IDO2: variants seen among roughly 807,000 people sequenced by gnomAD.
IDO2 encodes the protein indoleamine 2,3-dioxygenase 2, also known as indoleamine 2,3-dioxygenase-like 1 protein.
Under a neutral mutation model 45.1 loss-of-function variants are expected in IDO2, and 46 were observed. That is an observed-to-expected ratio of 1.02 (90% CI 0.80 to 1.30). IDO2 has a LOEUF of 1.30. IDO2 is among the 50% of genes most tolerant of loss of function. IDO2 has a pLI of 0.00. For missense variants in IDO2, 544 were observed against 491.8 expected (o/e 1.11, Z -1.00); for synonymous variants, 218 against 184.9 (o/e 1.18, Z -1.45).
intron 8 of IDO2, among the ~76,000 whole-genome samples, chr8:39,997,504 C>A (rs1376179424): frequency 8.6e-6 from 1 of 116,112 alleles, no homozygotes; most frequent in African/African-American, 2.8e-5. Context: ...AACCCCATCT[C>A]TACAAAAAAA....
At chr8:40,011,061 C>T (rs7005612) in intron 9 of IDO2, among the ~76,000 whole-genome samples, 13,608 of 152,140 alleles carry the variant, frequency 0.089, 736 homozygotes, top group Admixed American at 0.17. Flanking sequence ...CAGGTGTGCA[C>T]CACCATACCA....
Position 40,005,307 on chromosome 8 carries a change from C to T in IDO2, c.668-20C>T, listed in dbSNP as rs764654916. The T allele has an allele frequency of 3.9e-6, 6 of 1,555,868 alleles. No homozygotes were observed. The East Asian group carries it at 1.4e-4, about 35-fold the overall frequency. ...CTTTCTTTGCCTGTAGTAAAGTTCA[C>T]ATTTTGATTGCTTCTCCAGATTATG... On this transcript the variant is annotated intron_variant, in intron 8 of 10. Transcript: ENST00000502986.
intron 3 of IDO2, among the ~76,000 whole-genome samples, chr8:39,976,070 C>T (rs921731815): frequency 1.4e-4 from 22 of 152,128 alleles, no homozygotes; most frequent in African/African-American, 5.1e-4. Flanking sequence ...ACCTCCACCT[C>T]CCAGGTTCAG....
rs544020476 is a variant in IDO2 at position 39,954,819 on chromosome 8, C to A, written c.99+5555C>A. Among the ~76,000 whole-genome samples the A allele has an allele frequency of 5.3e-5, 8 of 151,826 alleles. No homozygotes were observed. In the South Asian group the frequency reaches 1.5e-3, roughly 28 times the overall value. On this transcript the variant is annotated intron_variant, in intron 2 of 10. Transcript: ENST00000502986. ...TACAGGTGCGCACCACAAAGCCCAGCTAATTTTTTGTATTTTTAGTAGAGA... is the reference window on the plus strand; with the variant it reads ...TACAGGTGCGCACCACAAAGCCCAGATAATTTTTTGTATTTTTAGTAGAGA...
chr8:39,965,525 T>TA (rs75672705), intron 3 of IDO2, among the ~76,000 whole-genome samples: 26,368 of 151,914 alleles, frequency 0.17, 2,831 homozygotes, highest in South Asian at 0.31. Context: ...TATATATATA[T>TA]TAAAATACAA....
intron 8 of IDO2, among the ~76,000 whole-genome samples, chr8:39,999,496 C>T (rs1802103786): frequency 6.6e-6 from 1 of 152,038 alleles, no homozygotes; most frequent in Non-Finnish European, 1.5e-5. Context: ...CCAGGCTGGT[C>T]TCAAACTCTT....
chr8:40,013,502 G>A (rs1363337387), intron 9 of IDO2, 63 bp from the exon 10 acceptor site: 2 of 1,467,390 alleles, frequency 1.4e-6, no homozygotes, highest in African/African-American at 1.4e-5. Context: ...CAGTTTCCAT[G>A]TCAGAAAATA....
intron 1 of IDO2, 87 bp from the exon 2 acceptor site, chr8:39,949,062 C>A: frequency 6.6e-7 from 1 of 1,518,638 alleles, no homozygotes; most frequent in Non-Finnish European, 8.8e-7. Context: ...GCCTGAGACA[C>A]TGCGCAACTA....
At chr8:39,998,923 G>A (rs919365654) in intron 8 of IDO2, among the ~76,000 whole-genome samples, 6 of 151,680 alleles carry the variant, frequency 4.0e-5, no homozygotes, top group Admixed American at 2.0e-4. Flanking sequence ...GATTACAGGC[G>A]TGAGCCACCA....
intron 2 of IDO2, among the ~76,000 whole-genome samples, chr8:39,961,537 G>C (rs953494248): frequency 1.3e-5 from 2 of 151,940 alleles, no homozygotes; most frequent in Non-Finnish European, 2.9e-5. Context: ...GGTCAAGCCC[G>C]TCACAAACTC....
intron 8 of IDO2, among the ~76,000 whole-genome samples, chr8:39,994,905 A>T (rs1802010163): frequency 6.6e-6 from 1 of 152,164 alleles, no homozygotes; most frequent in Non-Finnish European, 1.5e-5. Flanking sequence ...ATACTAAAAA[A>T]CTATATGATG....
At chr8:39,976,087 C>T (rs890360100) in intron 3 of IDO2, among the ~76,000 whole-genome samples, 3 of 152,112 alleles carry the variant, frequency 2.0e-5, no homozygotes, top group Non-Finnish European at 4.4e-5. Context: ...TCAGGCTATT[C>T]CCCTGCCTCT....
At chr8:39,971,872 A>C (rs1015353838) in intron 3 of IDO2, among the ~76,000 whole-genome samples, 1 of 151,838 alleles carries the variant, frequency 6.6e-6, no homozygotes, top group Non-Finnish European at 1.5e-5. Context: ...GCAGTGGCGC[A>C]ATCTTGGCTC....
intron 1 of IDO2, among the ~76,000 whole-genome samples, chr8:39,942,509 G>C (rs1316464716): frequency 6.6e-6 from 1 of 152,074 alleles, no homozygotes; most frequent in Admixed American, 6.6e-5. Context: ...GCGTGGTGGC[G>C]GGCACTTATA....
intron 2 of IDO2, among the ~76,000 whole-genome samples, chr8:39,954,629 A>C (rs1807861680): frequency 6.7e-6 from 1 of 149,426 alleles, no homozygotes; most frequent in South Asian, 2.1e-4. Flanking sequence ...ACTATGCACA[A>C]ATTCCCTATG....
intron 1 of IDO2, among the ~76,000 whole-genome samples, chr8:39,941,847 G>A (rs955798117): frequency 1.3e-5 from 2 of 152,250 alleles, no homozygotes; most frequent in East Asian, 3.9e-4. Flanking sequence ...CACTTTGGGA[G>A]GCCGAGGCAG....
chr8:39,983,692 C>T (rs1386637676), intron 5 of IDO2, among the ~76,000 whole-genome samples: 1 of 151,892 alleles, frequency 6.6e-6, no homozygotes, highest in Non-Finnish European at 1.5e-5. Context: ...GGTGAAACCC[C>T]GTCTCTACTA....
At chr8:40,006,019 C>T (rs1030193882) in intron 9 of IDO2, among the ~76,000 whole-genome samples, 3 of 152,072 alleles carry the variant, frequency 2.0e-5, no homozygotes, top group Admixed American at 6.6e-5. Flanking sequence ...TGTGAGGACA[C>T]GGGAGTTGAG....
intron 1 of IDO2, among the ~76,000 whole-genome samples, chr8:39,944,125 G>C (rs1006494331): frequency 3.3e-5 from 5 of 152,160 alleles, no homozygotes; most frequent in African/African-American, 1.2e-4. Flanking sequence ...GAGAAAGGGA[G>C]GAAGGAGAGA....
Sources: gnomAD v4.1 joint callset for allele counts (sites outside exome capture counted in the v4.1 genomes callset) on GRCh38, gnomAD v4.1.1 for gene constraint, MANE v1.5 for transcripts, NCBI Gene and HGNC (gene_info 2026-07-23, HGNC 2026-07-21) for gene names.